DNAH6: variants seen among roughly 807,000 people sequenced by gnomAD.
DNAH6 encodes the protein axonemal beta dynein heavy chain 6.
In DNAH6, 340 loss-of-function variants were observed where a neutral mutation model predicts 491.4. The observed-to-expected ratio is 0.69, with a 90% CI of 0.63 to 0.76. The LOEUF (loss-of-function observed/expected upper bound fraction) is 0.76, where lower values mean the gene tolerates loss of function less well. DNAH6 is among the 30% of genes least tolerant of loss of function. The pLI is 0.00. For synonymous variants in DNAH6, 1,603 were observed against 1,686.1 expected (o/e 0.95, Z 1.21); for missense variants, 4,443 against 4,972.2 (o/e 0.89, Z 3.20).
At chr2:84,763,092 G>C (rs988289916) in intron 64 of DNAH6, 147 bp downstream of exon 64, 3 of 641,928 alleles carry the variant, frequency 4.7e-6, no homozygotes, top group Non-Finnish European at 8.0e-6. Flanking sequence ...TTAATAGTTA[G>C]CTATTGTTAA....
chr2:84,660,318 A>G (rs1691381436), intron 37 of DNAH6, among the ~76,000 whole-genome samples: 1 of 152,230 alleles, frequency 6.6e-6, no homozygotes, highest in Admixed American at 6.5e-5. Flanking sequence ...AGATTTAAGC[A>G]TCAAAATCAA....
the DNAH6 span, among the ~76,000 whole-genome samples, chr2:84,462,927 C>G: frequency 4.6e-5 from 7 of 152,146 alleles, no homozygotes; most frequent in Non-Finnish European, 1.0e-4. Flanking sequence ...TGAACCTCCC[C>G]CTGAGAGACA....
intron 4 of DNAH6, among the ~76,000 whole-genome samples, chr2:84,530,765 A>G (rs1473092463): frequency 6.6e-6 from 1 of 152,184 alleles, no homozygotes; most frequent in Non-Finnish European, 1.5e-5. Flanking sequence ...GGTGAAGCCA[A>G]CGGAATGTCT....
chr2:84,661,074 T>A (rs925924599), intron 37 of DNAH6, among the ~76,000 whole-genome samples: 1 of 152,146 alleles, frequency 6.6e-6, no homozygotes, highest in Non-Finnish European at 1.5e-5. Flanking sequence ...TTTTTTAATA[T>A]GTCCTTTTGT....
At chr2:84,471,955 C>G in the DNAH6 span, among the ~76,000 whole-genome samples, 1 of 152,144 alleles carries the variant, frequency 6.6e-6, no homozygotes, top group Admixed American at 6.5e-5. Context: ...GGCACCCACA[C>G]AGGCACCTCA....
In DNAH6 at chr2:84,804,520, A is replaced by T. The variant is rs542284660; in HGVS notation, c.11482-1145A>T. On this transcript the variant is annotated intron_variant, in intron 70 of 76. Transcript: ENST00000389394. The stretch of plus-strand genomic sequence containing the variant: ...AATTAAATATTACTTCATTATAAGT[A>T]ATTATATCTGGAAAGTAAGTATCAT... Among the ~76,000 whole-genome samples the T allele has an allele frequency of 7.9e-5, 12 of 152,216 alleles. No individual in the cohort carries two copies. The South Asian group carries it at 2.5e-3, about 32-fold the overall frequency.
intron 5 of DNAH6, among the ~76,000 whole-genome samples, chr2:84,546,952 G>T (rs1038297743): frequency 6.6e-6 from 1 of 152,104 alleles, no homozygotes; most frequent in Non-Finnish European, 1.5e-5. Flanking sequence ...AAGTACTTAA[G>T]GTAACACCCA....
intron 64 of DNAH6, among the ~76,000 whole-genome samples, chr2:84,774,294 A>G (rs1365752282): frequency 6.6e-6 from 1 of 152,070 alleles, no homozygotes; most frequent in African/African-American, 2.4e-5. Context: ...CTAGTCAGCT[A>G]TCCTAACACC....
intron 18 of DNAH6, among the ~76,000 whole-genome samples, chr2:84,597,195 G>A (rs112348806): frequency 2.0e-5 from 3 of 152,064 alleles, no homozygotes; most frequent in African/African-American, 7.2e-5. Flanking sequence ...AGCCTTTTGG[G>A]TCTGGATTCA....
upstream of DNAH6, among the ~76,000 whole-genome samples, chr2:84,516,296 A>G (rs927860990): frequency 1.3e-5 from 2 of 152,172 alleles, no homozygotes; most frequent in African/African-American, 4.8e-5. Context: ...CTCAATTCCC[A>G]GCGCAGAGGA....
intron 4 of DNAH6, among the ~76,000 whole-genome samples, chr2:84,533,334 TGAA>T (rs1436612149): frequency 1.3e-5 from 2 of 152,056 alleles, no homozygotes; most frequent in Non-Finnish European, 1.5e-5. Flanking sequence ...ATGCAGGAAA[TGAA>T]GAGTAAGATT....
At position 84,707,721 on chromosome 2, in the gene DNAH6, G is replaced by C; in HGVS notation, c.9048+5G>C. ...ACAGCCCAGTACAGGCAGTCAGTGA[G>C]TAACCCTGCTTTCTGTAAGGAGGGG... is the stretch of plus-strand genomic sequence containing the variant. On this transcript the variant is annotated splice_donor_5th_base_variant and intron_variant, in intron 54 of 76. Transcript: ENST00000389394. The C allele has an allele frequency of 6.4e-7, 1 of 1,550,612 alleles. No homozygotes were observed. Among genetic ancestry groups the C allele is most frequent in the Non-Finnish European group, 8.7e-7 (1 of 1,145,978 alleles).
chr2:84,502,751 C>T, the DNAH6 span, among the ~76,000 whole-genome samples: 1 of 152,110 alleles, frequency 6.6e-6, no homozygotes, highest in African/African-American at 2.4e-5. Flanking sequence ...TATATACTGA[C>T]CTTCCTTGTC....
chr2:84,705,859 A>G, intron 52 of DNAH6, 112 bp downstream of exon 52: 1 of 1,230,648 alleles, frequency 8.1e-7, no homozygotes, highest in Non-Finnish European at 1.1e-6. Context: ...CAGTGACAAA[A>G]CTCTTGGAAA....
rs1260693576 is a variant in DNAH6, at chr2:84,699,618, G to A, written c.7702G>A (p.Val2568Met). 1 of 1,550,936 alleles carries A rather than the reference G, an allele frequency of 6.4e-7. No individual in the cohort carries two copies. Among genetic ancestry groups the A allele is most frequent in the East Asian group, 2.4e-5 (1 of 40,920 alleles). ...GGTGTTTCAATACTTTATCAGCAAA[G>A]TGCGTCAGAAGCTGCACATTGTTCT... The part of the protein sequence containing the change: ...DEVFQYFISK[V>M]RQKLHIVLCM... Residue 2568 changes from valine (V) to methionine (M), a missense_variant, in exon 48 of 77, where the codon GTG (valine) becomes ATG (methionine). Around this residue, in one of 3 missense-constraint regions of DNAH6, gnomAD observed 2,977 missense variants for 3,296.6 expected, o/e 0.90. Coordinates refer to ENST00000389394, the MANE Select transcript of DNAH6 (RefSeq NM_001370.2).
rs1231997062 is a variant in DNAH6 at position 84,812,514 on chromosome 2, C to T, written c.11913C>T (p.Thr3971=). Residue 3971 remains threonine, a synonymous_variant, in exon 73 of 77, where the codon ACC becomes ACT. Transcript: ENST00000389394. ...GGGTCAAAGACCTTATCCTGAGGACCTCATTTGTGGATGTAAGAAAATTCC... is the reference window on the plus strand; with the variant it reads ...GGGTCAAAGACCTTATCCTGAGGACTTCATTTGTGGATGTAAGAAAATTCC... ...GSWVKDLILR[T]SFVDLWLKRG... The T allele has an allele frequency of 6.5e-6, 10 of 1,547,216 alleles. No homozygotes were observed. The highest frequency in any genetic ancestry group is 7.9e-6 in the Non-Finnish European group (9 of 1,145,852).
intron 57 of DNAH6, 65 bp from the exon 58 acceptor site, chr2:84,715,495 A>G (rs2104896416): frequency 1.4e-6 from 2 of 1,473,530 alleles, no homozygotes; most frequent in Non-Finnish European, 1.9e-6. Context: ...CTGTGTTCTA[A>G]TAAAGAAAGG....
chr2:84,567,737 G>A (rs1681358465), intron 11 of DNAH6, among the ~76,000 whole-genome samples: 2 of 152,070 alleles, frequency 1.3e-5, no homozygotes, highest in South Asian at 4.1e-4. Context: ...CATAGGCATG[G>A]AAAAAGATCT....
At chr2:84,794,225 TAGA>T (rs1327186486) in intron 68 of DNAH6, among the ~76,000 whole-genome samples, 1 of 152,172 alleles carries the variant, frequency 6.6e-6, no homozygotes, top group Non-Finnish European at 1.5e-5. Context: ...ATAAAAACGC[TAGA>T]AGAAAACCTA....
Sources: allele counts gnomAD v4.1 joint callset (sites outside exome capture counted in the v4.1 genomes callset), GRCh38; gene constraint gnomAD v4.1.1; regional missense constraint gnomAD v4.1.1; transcripts MANE v1.5; gene names NCBI Gene and HGNC (gene_info 2026-07-23, HGNC 2026-07-21).